Variants in SMARCA2 observed in about 807,000 individuals in gnomAD.
SMARCA2 encodes the protein SWI/SNF-related matrix-associated actin-dependent regulator of chromatin subfamily A member 2.
SMARCA2 carries 61 observed loss-of-function variants against 199.8 expected under a neutral mutation model. The observed-to-expected ratio is 0.31, with a 90% CI of 0.25 to 0.38. The LOEUF (loss-of-function observed/expected upper bound fraction) is 0.38. SMARCA2 is among the 10% of genes least tolerant of loss of function. The pLI, the probability that SMARCA2 is intolerant of heterozygous loss-of-function variation, is 1.00. For synonymous variants in SMARCA2, 935 were observed against 732.0 expected (o/e 1.28, Z -4.48); for missense variants, 1,344 against 2,012.2 (o/e 0.67, Z 6.35).
At chr9:2,172,471 A>AG (rs1339984166) in intron 29 of SMARCA2, among the ~76,000 whole-genome samples, 1 of 150,604 alleles carries the variant, frequency 6.6e-6, no homozygotes, top group Non-Finnish European at 1.5e-5. Context: ...ATGTGCGGGA[A>AG]GGGGGGATGT....
At chr9:2,128,349 C>T (rs185135893) in intron 27 of SMARCA2, among the ~76,000 whole-genome samples, 1 of 152,298 alleles carries the variant, frequency 6.6e-6, no homozygotes, top group East Asian at 1.9e-4. Flanking sequence ...GGAGCCTGGC[C>T]ACAGGCACTA....
intron 23 of SMARCA2, among the ~76,000 whole-genome samples, chr9:2,108,079 A>G (rs765179383): frequency 5.9e-5 from 9 of 152,168 alleles, no homozygotes; most frequent in Non-Finnish European, 1.3e-4. Flanking sequence ...ATTTCCTAGG[A>G]CATACATACA....
chr9:2,065,387 C>G (rs1401896323), intron 9 of SMARCA2, among the ~76,000 whole-genome samples: 2 of 152,128 alleles, frequency 1.3e-5, no homozygotes, highest in Non-Finnish European at 2.9e-5. Context: ...CAACACTAGA[C>G]CAGATATAGT....
chr9:2,178,198 GA>G (rs1826759942), intron 29 of SMARCA2, among the ~76,000 whole-genome samples: 1 of 152,158 alleles, frequency 6.6e-6, no homozygotes, highest in Non-Finnish European at 1.5e-5. Flanking sequence ...CCATGAAGAG[GA>G]GAGGTTCTTG....
chr9:2,156,414 CTTTTTTTTT>C lies in SMARCA2; in HGVS notation c.3982-5248_3982-5240del, dbSNP rs57161267. On this transcript the variant is annotated intron_variant, in intron 27 of 33. Coordinates refer to ENST00000349721, the MANE Select transcript of SMARCA2 (RefSeq NM_003070.5). The stretch of plus-strand genomic sequence containing the variant: ...ATACCATAAAGTTTACCATTTTAGA[CTTTTTTTTT>C]TTTTTTTTTTTTTTTTTTTTTTTGA... 1.2e-3 allele frequency among the ~76,000 whole-genome samples: 84 copies of C among 69,154 alleles called. 3 individuals carry two copies. In the South Asian group the frequency reaches 0.042, roughly 35 times the overall value. 45.4% of individuals were successfully genotyped at this position (69,154 alleles called of 152,430 possible).
intron 27 of SMARCA2, among the ~76,000 whole-genome samples, chr9:2,147,960 G>A (rs79346762): frequency 0.054 from 8,230 of 151,496 alleles, 413 homozygotes; most frequent in African/African-American, 0.098. Flanking sequence ...CAGCCTCCCA[G>A]AGTGCTGGGA....
chr9:2,152,756 G>T (rs1332636767), intron 27 of SMARCA2, among the ~76,000 whole-genome samples: 1 of 151,590 alleles, frequency 6.6e-6, no homozygotes, highest in African/African-American at 2.4e-5. Context: ...AGAGTCTTGG[G>T]CAGGAGAATC....
intron 5 of SMARCA2, among the ~76,000 whole-genome samples, chr9:2,049,357 G>A (rs975522238): frequency 6.6e-6 from 1 of 152,128 alleles, no homozygotes; most frequent in African/African-American, 2.4e-5. Flanking sequence ...CTTCCAAAGT[G>A]CACAGTATTA....
Position 2,123,241 on chromosome 9 carries a change from CT to C in SMARCA2, c.3763-468del, listed in dbSNP as rs112744923. Among the ~76,000 whole-genome samples the C allele has an allele frequency of 3.1e-4, 46 of 148,338 alleles. No individual in the cohort carries two copies. The highest frequency in any genetic ancestry group is 5.9e-4 in the East Asian group (3 of 5,098). ...TTCTGTACTGATACCTTGGGTCCCCCTTTTTTTTTTATTGCTGATTGTTTAG... is the reference window on the plus strand; with the variant it reads ...TTCTGTACTGATACCTTGGGTCCCCCTTTTTTTTTATTGCTGATTGTTTAG... On this transcript the variant is annotated intron_variant, in intron 26 of 33. Coordinates refer to ENST00000349721, the MANE Select transcript of SMARCA2 (RefSeq NM_003070.5). The surrounding 1 kb of genome is among the most constrained non-coding windows in gnomAD (Gnocchi z 4.1).
chr9:2,154,937 A>C (rs917013793), intron 27 of SMARCA2, among the ~76,000 whole-genome samples: 1 of 152,184 alleles, frequency 6.6e-6, no homozygotes, highest in Admixed American at 6.5e-5. Context: ...AGTAGATAGT[A>C]ACTTGATTGA....
intron 27 of SMARCA2, among the ~76,000 whole-genome samples, chr9:2,154,075 ATCT>A (rs960001011): frequency 6.6e-6 from 1 of 152,232 alleles, no homozygotes; most frequent in African/African-American, 2.4e-5. Flanking sequence ...ATACTGAGTC[ATCT>A]TCTTACTATG....
At chr9:2,159,028 G>A in intron 27 of SMARCA2, 1 of 1,601,022 alleles carries the variant, frequency 6.2e-7, no homozygotes, top group Non-Finnish European at 8.5e-7. Context: ...AATTTAATAA[G>A]AATCTGCACG....
chr9:2,036,063 A>C (rs1247663561), intron 3 of SMARCA2, among the ~76,000 whole-genome samples: 1 of 152,196 alleles, frequency 6.6e-6, no homozygotes, highest in Non-Finnish European at 1.5e-5. Context: ...GTCAAGAAGG[A>C]AAGCCATTTC....
chr9:2,102,961 G>GTT (rs111370241), intron 22 of SMARCA2, among the ~76,000 whole-genome samples: 16,854 of 137,398 alleles, frequency 0.12, 1,047 homozygotes, highest in Middle Eastern at 0.18. Flanking sequence ...CATGCTCCCT[G>GTT]TTTTTTTTTT....
At chr9:2,063,758 C>T (rs1345288510) in intron 9 of SMARCA2, among the ~76,000 whole-genome samples, 2 of 149,128 alleles carry the variant, frequency 1.3e-5, no homozygotes, top group Admixed American at 1.3e-4. Context: ...TTTTTAATTC[C>T]CTAGAAGGAC....
At chr9:2,099,771 G>T (rs2130538167) in intron 21 of SMARCA2, among the ~76,000 whole-genome samples, 1 of 152,256 alleles carries the variant, frequency 6.6e-6, no homozygotes, top group Non-Finnish European at 1.5e-5. Context: ...CAGATGCTGA[G>T]CCTCAAAATG....
At chr9:2,145,035 C>T (rs1182439191) in intron 27 of SMARCA2, among the ~76,000 whole-genome samples, 1 of 152,180 alleles carries the variant, frequency 6.6e-6, no homozygotes, top group Non-Finnish European at 1.5e-5. Context: ...TATGGTGGCT[C>T]ATGCCTGTAA....
intron 4 of SMARCA2, among the ~76,000 whole-genome samples, chr9:2,046,382 T>C (rs1819845433): frequency 6.6e-6 from 1 of 152,228 alleles, no homozygotes; most frequent in African/African-American, 2.4e-5. Context: ...TGTTTTATTC[T>C]GGTAACATGG....
chr9:2,028,237 G>A (rs16936751), intron 1 of SMARCA2, among the ~76,000 whole-genome samples: 21,614 of 152,118 alleles, frequency 0.14, 1,901 homozygotes, highest in African/African-American at 0.23. Context: ...AGAGGATCAC[G>A]TCTTAAACTG....
Sources: gnomAD v4.1 joint callset for allele counts (sites outside exome capture counted in the v4.1 genomes callset) on GRCh38, gnomAD v4.1.1 for gene constraint, Gnocchi (gnomAD v3.1) non-coding constraint, MANE v1.5 for transcripts, NCBI Gene and HGNC (gene_info 2026-07-23, HGNC 2026-07-21) for gene names.